The following MAGI2 variants were observed in gnomAD, a reference collection of about 807,000 sequenced individuals.
MAGI2 encodes membrane associated guanylate kinase, WW and PDZ domain containing 2.
In MAGI2, 35 loss-of-function variants were observed where a neutral mutation model predicts 133.3. The ratio of observed to expected loss-of-function variants is 0.26; its 90% confidence interval spans 0.20 to 0.35. The LOEUF (loss-of-function observed/expected upper bound fraction) is 0.35, where lower values mean the gene tolerates loss of function less well. Ranked by LOEUF, MAGI2 falls within the 10% of genes least tolerant of loss-of-function variation. The pLI, the probability that MAGI2 is intolerant of heterozygous loss-of-function variation, is 1.00. For missense variants in MAGI2, 1,636 were observed against 1,863.4 expected (o/e 0.88, Z 2.25); for synonymous variants, 729 against 710.6 (o/e 1.03, Z -0.41).
chr7:79,419,173 C>G (rs1032741280), intron 1 of MAGI2, among the ~76,000 whole-genome samples: 1 of 151,922 alleles, frequency 6.6e-6, no homozygotes, highest in Non-Finnish European at 1.5e-5. Flanking sequence ...TACTAAACAT[C>G]TCTTGTTTTC....
chr7:78,705,647 C>T (rs1818567127), intron 2 of MAGI2, among the ~76,000 whole-genome samples: 2 of 152,072 alleles, frequency 1.3e-5, no homozygotes, highest in Admixed American at 6.6e-5. Flanking sequence ...ATTTTGTTTG[C>T]AAACCTGGTG....
chr7:78,894,700 A>G (rs936341376), intron 2 of MAGI2, among the ~76,000 whole-genome samples: 21 of 152,230 alleles, frequency 1.4e-4, no homozygotes, highest in African/African-American at 4.6e-4. Flanking sequence ...CGAACAAATA[A>G]GAAAAGTGTA....
intron 2 of MAGI2, among the ~76,000 whole-genome samples, chr7:78,887,088 C>G (rs2151558528): frequency 6.6e-6 from 1 of 152,300 alleles, no homozygotes; most frequent in South Asian, 2.1e-4. Flanking sequence ...CCCCATGGAA[C>G]TACTTTGAGT....
chr7:78,521,915 T>G (rs185743439), intron 3 of MAGI2, among the ~76,000 whole-genome samples: 1 of 152,204 alleles, frequency 6.6e-6, no homozygotes, highest in African/African-American at 2.4e-5. Context: ...TATAGTCTTA[T>G]GTATTATTCC....
chr7:78,915,482 TAC>T (rs1417049642), intron 2 of MAGI2, among the ~76,000 whole-genome samples: 2 of 152,078 alleles, frequency 1.3e-5, no homozygotes, highest in Non-Finnish European at 2.9e-5. Flanking sequence ...AGAGAGTATT[TAC>T]ACACATAGGA....
intron 1 of MAGI2, among the ~76,000 whole-genome samples, chr7:79,386,999 A>G (rs1013776038): frequency 6.4e-5 from 7 of 108,974 alleles, no homozygotes; most frequent in African/African-American, 2.0e-4. Flanking sequence ...ATATATATGT[A>G]TACACACACA....
intron 2 of MAGI2, among the ~76,000 whole-genome samples, chr7:78,741,234 C>A (rs1452900624): frequency 1.3e-5 from 2 of 151,938 alleles, no homozygotes; most frequent in Non-Finnish European, 2.9e-5. Context: ...GAAGAGACAG[C>A]TTTCAAACAG....
chr7:79,289,088 T>G (rs1299573931), intron 1 of MAGI2, among the ~76,000 whole-genome samples: 1 of 152,158 alleles, frequency 6.6e-6, no homozygotes, highest in Non-Finnish European at 1.5e-5. Context: ...TTCTAAACTG[T>G]CCAAACCCAC....
chr7:78,109,991 C>A (rs1819192197), intron 20 of MAGI2, among the ~76,000 whole-genome samples: 1 of 152,262 alleles, frequency 6.6e-6, no homozygotes, highest in African/African-American at 2.4e-5. Flanking sequence ...CCAGCCCCTG[C>A]TCAGGCCTGA....
rs552477612 is a variant in MAGI2 at position 79,243,154 on chromosome 7, T to TA, written c.301+209865dup. ...AAACAACAAAAAAAGAAAAGACAAA[T>TA]AAAAAAATGATAAAATATTACAGTG... On this transcript the variant is annotated intron_variant, in intron 1 of 21. Coordinates refer to ENST00000354212, the MANE Select transcript of MAGI2 (RefSeq NM_012301.4). Among the ~76,000 whole-genome samples, 740 of 151,818 alleles carry TA rather than the reference T, an allele frequency of 4.9e-3. 4 individuals carry two copies. Among genetic ancestry groups the TA allele is most frequent in the Non-Finnish European group, 8.1e-3 (552 of 67,918 alleles).
intron 1 of MAGI2, among the ~76,000 whole-genome samples, chr7:79,257,183 C>A (rs1017613838): frequency 2.6e-4 from 40 of 152,006 alleles, no homozygotes; most frequent in African/African-American, 8.4e-4. Flanking sequence ...TAATAATAGT[C>A]CCTTGCATTT....
At chr7:79,425,745 C>T (rs183328741) in intron 1 of MAGI2, among the ~76,000 whole-genome samples, 25 of 150,766 alleles carry the variant, frequency 1.7e-4, no homozygotes, top group African/African-American at 4.6e-4. Flanking sequence ...ATCGTGTTTA[C>T]GAGTGACACA....
intron 2 of MAGI2, among the ~76,000 whole-genome samples, chr7:78,960,578 G>A (rs552261944): frequency 2.0e-4 from 30 of 152,224 alleles, no homozygotes; most frequent in African/African-American, 7.0e-4. Flanking sequence ...TATTAATGAT[G>A]GAGGTTGAGT....
Position 79,265,041 on chromosome 7 carries a change from A to G in MAGI2, c.301+187979T>C, listed in dbSNP as rs147931170. ...GCTCCACCTCCAACATTGGGGATCA[A>G]ATGTCAATATGAGGTTTAGAGCAGA... On this transcript the variant is annotated intron_variant, in intron 1 of 21. Coordinates refer to ENST00000354212, the MANE Select transcript of MAGI2 (RefSeq NM_012301.4). Among the ~76,000 whole-genome samples the G allele has an allele frequency of 9.3e-4, 142 of 152,234 alleles. 3 individuals carry two copies. The East Asian group carries it at 0.011, about 12-fold the overall frequency.
intron 2 of MAGI2, among the ~76,000 whole-genome samples, chr7:78,750,588 T>C (rs1028709559): frequency 1.3e-5 from 2 of 152,102 alleles, no homozygotes; most frequent in African/African-American, 2.4e-5. Context: ...TCCTGCATTC[T>C]AGTAGGGGGA....
intron 19 of MAGI2, among the ~76,000 whole-genome samples, chr7:78,126,712 T>C (rs773988952): frequency 1.3e-5 from 2 of 152,216 alleles, no homozygotes; most frequent in Non-Finnish European, 1.5e-5. Context: ...CACTCTGGAT[T>C]GTGAAGCCAA....
intron 6 of MAGI2, among the ~76,000 whole-genome samples, chr7:78,441,404 T>C (rs1181583853): frequency 6.6e-6 from 1 of 152,202 alleles, no homozygotes; most frequent in East Asian, 1.9e-4. Flanking sequence ...ACTTCAATTA[T>C]TAAAAACTTT....
At chr7:79,298,590 T>A (rs1837130895) in intron 1 of MAGI2, among the ~76,000 whole-genome samples, 1 of 152,182 alleles carries the variant, frequency 6.6e-6, no homozygotes, top group African/African-American at 2.4e-5. Context: ...GTTTCTATTA[T>A]ATGGTAGAAA....
intron 1 of MAGI2, chr7:79,011,123 G>A (rs1808045144): frequency 6.6e-6 from 1 of 152,132 alleles, no homozygotes; most frequent in African/African-American, 2.4e-5. Context: ...ACAATGGTGG[G>A]GTGGGGAGTG....
Sources: gnomAD v4.1 joint callset for allele counts (sites outside exome capture counted in the v4.1 genomes callset) on GRCh38, gnomAD v4.1.1 for gene constraint, MANE v1.5 for transcripts, NCBI Gene and HGNC (gene_info 2026-07-23, HGNC 2026-07-21) for gene names.